The following ITGBL1 variants were observed in gnomAD, a reference collection of about 807,000 sequenced individuals.
ITGBL1 encodes the protein integrin subunit beta like 1.
A neutral mutation model predicts 68.5 loss-of-function variants in ITGBL1; 51 were observed. The observed-to-expected ratio is 0.74, with a 90% CI of 0.59 to 0.94. The LOEUF is 0.94. ITGBL1 is among the 40% of genes least tolerant of loss of function. ITGBL1 has a pLI of 0.00. For missense variants in ITGBL1, 649 were observed against 647.4 expected, an observed-to-expected ratio of 1.00 and a Z score of -0.03; for synonymous variants, 209 against 227.3, an observed-to-expected ratio of 0.92 and a Z score of 0.72.
At chr13:101,489,327 T>C (rs7998372) in intron 2 of ITGBL1, among the ~76,000 whole-genome samples, 67,928 of 152,054 alleles carry the variant, frequency 0.45, 16,654 homozygotes, top group Non-Finnish European at 0.56. Context: ...CTGATTCAGG[T>C]GGTGTTAAAA....
chr13:101,455,931 C>T (rs1184723925), intron 2 of ITGBL1, among the ~76,000 whole-genome samples: 1 of 152,118 alleles, frequency 6.6e-6, no homozygotes, highest in Admixed American at 6.5e-5. Context: ...AAGATGCAGC[C>T]TTTAACTGGT....
intron 2 of ITGBL1, among the ~76,000 whole-genome samples, chr13:101,518,723 A>C (rs2049235167): frequency 1.3e-5 from 2 of 152,206 alleles, no homozygotes; most frequent in Non-Finnish European, 2.9e-5. Context: ...TTCAAATATA[A>C]TGGCATTTAT....
At chr13:101,652,242 A>C (rs936768206) in intron 7 of ITGBL1, among the ~76,000 whole-genome samples, 1 of 152,156 alleles carries the variant, frequency 6.6e-6, no homozygotes, top group Admixed American at 6.5e-5. Context: ...CATGGACTCA[A>C]GAGATCCTCC....
intron 6 of ITGBL1, among the ~76,000 whole-genome samples, chr13:101,592,526 A>G (rs2050672300): frequency 6.6e-6 from 1 of 152,154 alleles, no homozygotes; most frequent in South Asian, 2.1e-4. Context: ...AAATGGAAAG[A>G]TATCTCATGA....
Position 101,580,904 on chromosome 13 carries a change from A to T in ITGBL1, c.727+1477A>T, listed in dbSNP as rs533599479. 2.6e-5 allele frequency among the ~76,000 whole-genome samples: 4 copies of T among 152,294 alleles called. No homozygotes were observed. The South Asian group carries it at 8.3e-4, about 32-fold the overall frequency. On this transcript the variant is annotated intron_variant, in intron 5 of 10. Transcript: ENST00000376180. Reference sequence around the variant, plus strand: ...CTGTGCTTGGAGCATTCTGACCTGGAGCTATGGCAGAGGCAGAATGGGAAG... The same window carrying T: ...CTGTGCTTGGAGCATTCTGACCTGGTGCTATGGCAGAGGCAGAATGGGAAG...
intron 3 of ITGBL1, 67 bp downstream of exon 3, chr13:101,567,912 T>C: frequency 7.7e-7 from 1 of 1,295,048 alleles, no homozygotes; most frequent in Non-Finnish European, 1.1e-6. Context: ...TGGAAATATG[T>C]GGGCGTGGAG....
intron 9 of ITGBL1, among the ~76,000 whole-genome samples, chr13:101,709,447 T>C (rs1023095816): frequency 4.3e-4 from 59 of 137,802 alleles, no homozygotes; most frequent in African/African-American, 1.7e-3. Context: ...AAGAGAGAAG[T>C]AGGAGAGAAT....
intron 2 of ITGBL1, among the ~76,000 whole-genome samples, chr13:101,467,087 T>G (rs2048391986): frequency 6.6e-6 from 1 of 152,140 alleles, no homozygotes; most frequent in Non-Finnish European, 1.5e-5. Context: ...CAAGCCTCTT[T>G]TATAAGGGCA....
chr13:101,454,399 T>TTCCC (rs2048210934), intron 2 of ITGBL1, among the ~76,000 whole-genome samples: 7 of 135,808 alleles, frequency 5.2e-5, no homozygotes, highest in Admixed American at 1.5e-4. Context: ...CCCTGGCTGG[T>TTCCC]CCCCCCCCCC....
At chr13:101,652,142 C>G (rs958623552) in intron 7 of ITGBL1, among the ~76,000 whole-genome samples, 2 of 152,094 alleles carry the variant, frequency 1.3e-5, no homozygotes, top group Non-Finnish European at 1.5e-5. Context: ...GTAGTTCAGG[C>G]TACACTTTAT....
intron 2 of ITGBL1, among the ~76,000 whole-genome samples, chr13:101,467,996 C>T (rs982124563): frequency 4.6e-5 from 7 of 152,084 alleles, no homozygotes; most frequent in African/African-American, 7.2e-5. Context: ...GAGCCAAAAT[C>T]AGAAAATGAA....
chr13:101,644,775 G>A (rs2032505727), intron 7 of ITGBL1, among the ~76,000 whole-genome samples: 1 of 152,048 alleles, frequency 6.6e-6, no homozygotes, highest in Admixed American at 6.6e-5. Context: ...TCATTTATGT[G>A]AATAAGCAAT....
At chr13:101,471,216 G>A (rs2048452200) in intron 2 of ITGBL1, among the ~76,000 whole-genome samples, 3 of 152,126 alleles carry the variant, frequency 2.0e-5, no homozygotes, top group African/African-American at 4.8e-5. Flanking sequence ...AAACTGGCTC[G>A]ATTTTGGGAA....
chr13:101,469,925 G>A lies in ITGBL1; in HGVS notation c.316+15825G>A, dbSNP rs144393274. Among the ~76,000 whole-genome samples the A allele has an allele frequency of 1.3e-3, 202 of 152,276 alleles. 1 individual carries two copies. The highest frequency in any genetic ancestry group is 2.3e-3 in the Non-Finnish European group (155 of 68,022). On this transcript the variant is annotated intron_variant, in intron 2 of 10. Coordinates refer to ENST00000376180, the MANE Select transcript of ITGBL1 (RefSeq NM_004791.3). Reference sequence around the variant, plus strand: ...AAACAAAGCTGTTTGATCTTTCTCCGCTATTGTTGCTGCCTGTGTGATCTT... The same window carrying A: ...AAACAAAGCTGTTTGATCTTTCTCCACTATTGTTGCTGCCTGTGTGATCTT...
chr13:101,633,164 T>C (rs1307654690), intron 7 of ITGBL1, among the ~76,000 whole-genome samples: 1 of 152,210 alleles, frequency 6.6e-6, no homozygotes, highest in East Asian at 1.9e-4. Flanking sequence ...TGGTGAAGCC[T>C]GCCCTTTCAG....
intron 7 of ITGBL1, among the ~76,000 whole-genome samples, chr13:101,653,192 G>T (rs1244519349): frequency 3.1e-4 from 47 of 151,106 alleles, no homozygotes; most frequent in Admixed American, 6.0e-4. Context: ...GGAGGAGGAG[G>T]AGGAGGGGAG....
At chr13:101,667,330 C>T (rs529214128) in intron 7 of ITGBL1, among the ~76,000 whole-genome samples, 12 of 152,178 alleles carry the variant, frequency 7.9e-5, no homozygotes, top group South Asian at 6.2e-4. Flanking sequence ...AATATACTGA[C>T]GTTTTTGCTT....
intron 2 of ITGBL1, among the ~76,000 whole-genome samples, chr13:101,556,482 C>T (rs1314305264): frequency 6.6e-6 from 1 of 151,932 alleles, no homozygotes; most frequent in African/African-American, 2.4e-5. Flanking sequence ...ACTAAAAATA[C>T]AAAATAGCCA....
At chr13:101,626,876 T>G (rs1464566407) in intron 7 of ITGBL1, among the ~76,000 whole-genome samples, 3 of 152,190 alleles carry the variant, frequency 2.0e-5, no homozygotes, top group Non-Finnish European at 4.4e-5. Flanking sequence ...GCTAATTAAA[T>G]GTTTTCCAAA....
Sources: gnomAD v4.1 joint callset for allele counts (sites outside exome capture counted in the v4.1 genomes callset) on GRCh38, gnomAD v4.1.1 for gene constraint, MANE v1.5 for transcripts, NCBI Gene and HGNC (gene_info 2026-07-23, HGNC 2026-07-21) for gene names.